CARD18: variants seen among roughly 807,000 people sequenced by gnomAD.
CARD18 encodes caspase recruitment domain family member 18.
A neutral mutation model predicts 7.9 loss-of-function variants in CARD18; 7 were observed. The ratio of observed to expected loss-of-function variants is 0.88; its 90% CI spans 0.50 to 1.66. The LOEUF (loss-of-function observed/expected upper bound fraction) is 1.66, where lower values mean the gene tolerates loss of function less well. Among genes scored for constraint, CARD18 ranks in the 40% most tolerant of loss-of-function variants. The pLI is 0.00. For synonymous variants in CARD18, 34 were observed against 34.8 expected (o/e 0.98, Z 0.08); for missense variants, 134 against 105.5 (o/e 1.27, Z -1.18).
In CARD18 at chr11:105,138,811, C is replaced by A; in HGVS notation, c.*1+1G>T. 1 of 1,613,330 alleles carries A rather than the reference C, an allele frequency of 6.2e-7. No individual in the cohort carries two copies. Among genetic ancestry groups the A allele is most frequent in the Non-Finnish European group, 8.5e-7 (1 of 1,179,506 alleles). On this transcript the variant is annotated splice_donor_variant, in intron 2 of 2. Transcript: ENST00000530950. LOFTEE classifies it low-confidence loss of function (3UTR_SPLICE). ...CATTAGGTTGAATCATTCCACCTTA[C>A]CTTAGTGCAAACCCATCTTTGAGGC...
chr11:105,138,697 T>C (rs1865435762), intron 2 of CARD18, 115 bp downstream of exon 2: 1 of 1,182,226 alleles, frequency 8.5e-7, no homozygotes. Context: ...GAATGGAGTC[T>C]GAGGCTAAAA....
Position 105,138,996 on chromosome 11 carries a change from T to C in CARD18, c.90A>G (p.Leu30=). Residue 30 remains leucine (L), a synonymous_variant, in exon 2 of 3, where the codon TTA becomes TTG. Coordinates refer to ENST00000530950, the MANE Select transcript of CARD18 (RefSeq NM_021571.4). The part of the protein sequence containing the change: ...GTINALLDCL[L]EDEVISQEDM... The stretch of plus-strand genomic sequence containing the variant: ...CTTCCTGGCTAATAACTTCATCCTC[T>C]AATAGGCAATCCAGCAAGGCATTTA... 1 of 1,613,700 alleles carries C rather than the reference T, an allele frequency of 6.2e-7. No individual in the cohort carries two copies. Among genetic ancestry groups the C allele is most frequent in the Non-Finnish European group, 8.5e-7 (1 of 1,179,700 alleles).
rs1158816498 is a variant in CARD18 at position 105,139,669 on chromosome 11, TC to T, written c.7+50del. The T allele has an allele frequency of 3.8e-6, 6 of 1,594,026 alleles. No homozygotes were observed. The African/African-American group carries it at 8.0e-5, about 21-fold the overall frequency. The stretch of plus-strand genomic sequence containing the variant: ...AAGCCTAATGAGAAAGGCAGTCCTT[TC>T]CCAAACTAATTCCTCCCTAAGACCT... On this transcript the variant is annotated intron_variant, in intron 1 of 2. Coordinates refer to ENST00000530950, the MANE Select transcript of CARD18 (RefSeq NM_021571.4).
chr11:105,138,474 A>G (rs903161656), intron 2 of CARD18, among the ~76,000 whole-genome samples: 1 of 152,170 alleles, frequency 6.6e-6, no homozygotes, highest in South Asian at 2.1e-4. Context: ...TGGGCTTCTT[A>G]GGCTCAAGAG....
At position 105,139,188 on chromosome 11, in the gene CARD18, C is replaced by A. The variant is rs1591255269; in HGVS notation, c.8-110G>T. On this transcript the variant is annotated intron_variant, in intron 1 of 2. Coordinates refer to ENST00000530950, the MANE Select transcript of CARD18 (RefSeq NM_021571.4). ...CATTTCTCTCCACAAGTACAGTAATCCCAAGGAACGGTCTTATACCTTTGC... is the reference window on the plus strand; with the variant it reads ...CATTTCTCTCCACAAGTACAGTAATACCAAGGAACGGTCTTATACCTTTGC... The A allele has an allele frequency of 2.4e-6, 3 of 1,229,640 alleles. No individual in the cohort carries two copies. The East Asian group carries it at 7.0e-5, about 29-fold the overall frequency. 76.2% of individuals were successfully genotyped at this position (1,229,640 alleles called of 1,614,324 possible).
In CARD18 at chr11:105,138,907, A is replaced by G. The variant is rs1170742322; in HGVS notation, c.179T>C (p.Leu60Pro). The change falls in exon 2 of 3, where the codon CTT (leucine) becomes CCT (proline). Residue 60 changes from leucine to proline, a missense_variant. Leu to Pro is a moderately conservative substitution (Grantham distance 98). Coordinates refer to ENST00000530950, the MANE Select transcript of CARD18 (RefSeq NM_021571.4). The stretch of plus-strand genomic sequence containing the variant: ...AGACTTGGGTCCTTTTCCAGTAACA[A>G]GGTCAATCAAGACTCGAGCCTTATC... The part of the protein sequence containing the change: ...VMDKARVLID[L>P]VTGKGPKSCC... The G allele has an allele frequency of 6.2e-7, 1 of 1,613,624 alleles. No individual in the cohort carries two copies. Among genetic ancestry groups the G allele is most frequent in the Non-Finnish European group, 8.5e-7 (1 of 1,179,742 alleles).
At position 105,139,015 on chromosome 11, in the gene CARD18, G is replaced by T; in HGVS notation, c.71C>A (p.Ala24Asp). Residue 24 changes from alanine (A) to aspartate (D), a missense_variant, in exon 2 of 3, where the codon GCC becomes GAC. Ala to Asp is a moderately radical substitution (Grantham distance 126). Transcript: ENST00000530950. The part of the protein sequence containing the change: ...IHSVGAGTIN[A>D]LLDCLLEDEV... ...ATCCTCTAATAGGCAATCCAGCAAG[G>T]CATTTATTGTGCCTGCACCCACTGA... is the stretch of plus-strand genomic sequence containing the variant. 1.9e-6 allele frequency: 3 copies of T among 1,613,498 alleles called. No homozygotes were observed. The highest frequency in any genetic ancestry group is 2.5e-6 in the Non-Finnish European group (3 of 1,179,630).
chr11:105,139,055 T>G lies in CARD18; in HGVS notation c.31A>C (p.Arg11=). Residue 11 remains arginine (R), a synonymous_variant, in exon 2 of 3, where the codon AGA becomes CGA. Transcript: ENST00000530950. ...GCACCCACTGAATGGATAAAAATTC[T>G]TCTCTTTTTACGCAAGAGTTGGTCT... is the stretch of plus-strand genomic sequence containing the variant. MADQLLRKKR[R]IFIHSVGAGT... The G allele has an allele frequency of 6.2e-7, 1 of 1,613,210 alleles. No homozygotes were observed.
rs780686303 is a variant in CARD18, at chr11:105,138,933, C to A, written c.153G>T (p.Met51Ile). The A allele has an allele frequency of 6.2e-7, 1 of 1,613,748 alleles. No homozygotes were observed. The highest frequency in any genetic ancestry group is 8.5e-7 in the Non-Finnish European group (1 of 1,179,744). Reference sequence around the variant, plus strand: ...GGTCAATCAAGACTCGAGCCTTATCCATGACAGTGTCATTTTCATCTCTCA... The same window carrying A: ...GGTCAATCAAGACTCGAGCCTTATCAATGACAGTGTCATTTTCATCTCTCA... The part of the protein sequence containing the change: ...NKVRDENDTV[M>I]DKARVLIDLV... The change falls in exon 2 of 3, where the codon ATG becomes ATT. Residue 51 changes from methionine to isoleucine, a missense_variant. Physicochemically the swap from Met to Ile is conservative, Grantham distance 10. Transcript: ENST00000530950.
chr11:105,138,426 T>C (rs1165487433), intron 2 of CARD18, among the ~76,000 whole-genome samples: 1 of 152,102 alleles, frequency 6.6e-6, no homozygotes, highest in Non-Finnish European at 1.5e-5. Context: ...GGGTGGTAGG[T>C]ACAAAAAGAG....
rs1472671639 is a variant in CARD18 at position 105,138,819 on chromosome 11, C to G, written c.267G>C (p.Leu89Phe). 6.2e-7 allele frequency: 1 copy of G among 1,613,474 alleles called. No individual in the cohort carries two copies. The highest frequency in any genetic ancestry group is 8.5e-7 in the Non-Finnish European group (1 of 1,179,562). ...EDPQLASKMG[L>F]H is the part of the protein sequence containing the mutation. ...TGAATCATTCCACCTTACCTTAGTG[C>G]AAACCCATCTTTGAGGCAAGTTGAG... The change falls in exon 2 of 3, where the codon TTG becomes TTC. Residue 89 changes from leucine to phenylalanine, a missense_variant. Leu to Phe is a conservative substitution (Grantham distance 22). Transcript: ENST00000530950.
intron 2 of CARD18, 116 bp downstream of exon 2, chr11:105,138,696 C>G (rs1865435734): frequency 8.6e-7 from 1 of 1,168,628 alleles, no homozygotes; most frequent in Non-Finnish European, 1.2e-6. Context: ...GGAATGGAGT[C>G]TGAGGCTAAA....
intron 2 of CARD18, 64 bp downstream of exon 2, chr11:105,138,748 A>G (rs1238994926): frequency 2.6e-6 from 4 of 1,557,038 alleles, no homozygotes; most frequent in Non-Finnish European, 3.5e-6. Flanking sequence ...CAAGTGAAGA[A>G]AATCATAACT....
At chr11:105,138,537 C>T (rs1363812392) in intron 2 of CARD18, among the ~76,000 whole-genome samples, 1 of 151,998 alleles carries the variant, frequency 6.6e-6, no homozygotes, top group Admixed American at 6.6e-5. Context: ...CAGGATAAAA[C>T]ATCTAGGCTC....
chr11:105,139,629 A>G, intron 1 of CARD18, 91 bp downstream of exon 1: 1 of 1,451,210 alleles, frequency 6.9e-7, no homozygotes, highest in Non-Finnish European at 9.5e-7. Context: ...AAGGCTGCCC[A>G]CACAAACCTT....
intron 1 of CARD18, 146 bp from the exon 2 acceptor site, chr11:105,139,224 C>T (rs547382220): frequency 5.8e-5 from 48 of 829,874 alleles, no homozygotes; most frequent in Middle Eastern, 7.4e-4. Context: ...ATTTACTCCA[C>T]GTACTTCCTT....
At position 105,137,994 on chromosome 11, in the gene CARD18, A is replaced by T. The variant is rs999350779; in HGVS notation, c.*106T>A. The T allele has an allele frequency of 2.6e-5, 4 of 152,214 alleles. No homozygotes were observed. Among genetic ancestry groups the T allele is most frequent in the Admixed American group, 1.3e-4 (2 of 15,268 alleles). The allele number at this position is 152,214 out of a possible 1,614,324, so 9.4% of individuals were successfully genotyped here. On this transcript the variant is annotated 3_prime_UTR_variant, in exon 3 of 3. Coordinates refer to ENST00000530950, the MANE Select transcript of CARD18 (RefSeq NM_021571.4). ...ATTGATGAAATTAATCAGGTTTGAAAAAAGCACTGTTGTTTTGTTTTGTTT... is the reference window on the plus strand; with the variant it reads ...ATTGATGAAATTAATCAGGTTTGAATAAAGCACTGTTGTTTTGTTTTGTTT...
intron 1 of CARD18, 126 bp from the exon 2 acceptor site, chr11:105,139,204 A>G: frequency 9.8e-7 from 1 of 1,017,858 alleles, no homozygotes; most frequent in South Asian, 1.6e-5. Context: ...GAACGGTCTT[A>G]TACCTTTGCA....
intron 1 of CARD18, 121 bp downstream of exon 1, chr11:105,139,599 C>T (rs983523866): frequency 9.2e-7 from 1 of 1,083,456 alleles, no homozygotes; most frequent in Admixed American, 1.9e-5. Flanking sequence ...CCTCTCCCTT[C>T]TTCTTTCTCT....
Sources: gnomAD v4.1 joint callset for allele counts (sites outside exome capture counted in the v4.1 genomes callset) on GRCh38, gnomAD v4.1.1 for gene constraint, MANE v1.5 for transcripts, NCBI Gene and HGNC (gene_info 2026-07-23, HGNC 2026-07-21) for gene names.